Variants in LEPR observed in about 807,000 individuals in gnomAD.
The protein encoded by LEPR is leptin receptor.
A neutral mutation model predicts 114.7 loss-of-function variants in LEPR; 56 were observed. That is an observed-to-expected ratio of 0.49 (90% CI 0.39 to 0.61). LEPR has a LOEUF of 0.61. Ranked by LOEUF, LEPR falls within the 20% of genes least tolerant of loss-of-function variation. The pLI, the probability that LEPR is intolerant of heterozygous loss-of-function variation, is 0.00. For synonymous variants in LEPR, 443 were observed against 461.4 expected (o/e 0.96, Z 0.51); for missense variants, 1,202 against 1,352.9 (o/e 0.89, Z 1.75).
rs1014032421 is a variant in LEPR, at chr1:65,582,007, C to T, written c.494+9558C>T. Reference sequence around the variant, plus strand: ...GCCAGATTTCTACTAACAGCCTGTTCGAGGCAATTTAGGTTTTCTTCACCA... The same window carrying T: ...GCCAGATTTCTACTAACAGCCTGTTTGAGGCAATTTAGGTTTTCTTCACCA... On this transcript the variant is annotated intron_variant, in intron 5 of 19. Coordinates refer to ENST00000349533, the MANE Select transcript of LEPR (RefSeq NM_002303.6). 5.3e-5 allele frequency among the ~76,000 whole-genome samples: 8 copies of T among 152,280 alleles called. No homozygotes were observed. In the East Asian group the frequency reaches 5.8e-4, roughly 11 times the overall value.
intron 5 of LEPR, among the ~76,000 whole-genome samples, chr1:65,588,204 T>TA (rs1655447953): frequency 1.3e-5 from 2 of 152,034 alleles, no homozygotes; most frequent in African/African-American, 4.8e-5. Flanking sequence ...GGCAGATTTA[T>TA]AAAAAATCTA....
chr1:65,526,322 C>T, intron 2 of LEPR: 2 of 985,350 alleles, frequency 2.0e-6, no homozygotes, highest in Non-Finnish European at 1.2e-6. Context: ...AATTAAACAA[C>T]AACAGTAGCA....
chr1:65,616,279 C>G, intron 15 of LEPR, 55 bp downstream of exon 15: 5 of 1,546,362 alleles, frequency 3.2e-6, no homozygotes, highest in Non-Finnish European at 4.4e-6. Flanking sequence ...TTAACTTTTG[C>G]AAACTCTCCT....
intron 3 of LEPR, among the ~76,000 whole-genome samples, chr1:65,567,156 A>G (rs1176443905): frequency 6.6e-6 from 1 of 152,206 alleles, no homozygotes; most frequent in Non-Finnish European, 1.5e-5. Flanking sequence ...TTTAGGATTC[A>G]TTTGGAGGGA....
intron 2 of LEPR, among the ~76,000 whole-genome samples, chr1:65,488,347 A>G (rs1179998901): frequency 2.0e-5 from 2 of 98,426 alleles, no homozygotes; most frequent in South Asian, 3.3e-4. Flanking sequence ...TCTTTTTTTT[A>G]ACAGGATCTC....
intron 2 of LEPR, among the ~76,000 whole-genome samples, chr1:65,460,980 C>CTTT (rs529223465): frequency 7.2e-6 from 1 of 138,652 alleles, no homozygotes; most frequent in Non-Finnish European, 1.6e-5. Context: ...TCTTTCTTTT[C>CTTT]TTTTTTTTTT....
chr1:65,432,048 CT>C, intron 2 of LEPR: 1 of 1,377,636 alleles, frequency 7.3e-7, no homozygotes, highest in East Asian at 2.7e-5. Context: ...ATCATGTTCA[CT>C]TTAAGAAAGA....
intron 2 of LEPR, among the ~76,000 whole-genome samples, chr1:65,452,073 T>G (rs1172704454): frequency 6.6e-6 from 1 of 152,138 alleles, no homozygotes; most frequent in East Asian, 1.9e-4. Context: ...GATTTGGCTG[T>G]CTGTTTGTCT....
intron 2 of LEPR, among the ~76,000 whole-genome samples, chr1:65,475,795 C>T (rs1318506414): frequency 2.0e-5 from 3 of 152,012 alleles, no homozygotes; most frequent in African/African-American, 7.3e-5. Context: ...GCAGGAGGAT[C>T]ACTTGAGCCC....
chr1:65,549,692 G>A (rs1652121469), intron 2 of LEPR, among the ~76,000 whole-genome samples: 1 of 151,994 alleles, frequency 6.6e-6, no homozygotes, highest in Admixed American at 6.5e-5. Context: ...CTCTGTATTG[G>A]TTATTCTAGT....
chr1:65,556,205 T>C (rs1430270188), intron 2 of LEPR, among the ~76,000 whole-genome samples: 2 of 152,126 alleles, frequency 1.3e-5, no homozygotes, highest in African/African-American at 2.4e-5. Context: ...TCACCAGAGA[T>C]TGAATCTGCT....
intron 2 of LEPR, among the ~76,000 whole-genome samples, chr1:65,488,156 C>CT (rs1482122480): frequency 4.6e-4 from 37 of 79,948 alleles, no homozygotes; most frequent in African/African-American, 1.7e-3. Context: ...TCCTTCCTTC[C>CT]TTCCTTTCTT....
chr1:65,429,923 G>C, intron 2 of LEPR: 4 of 1,551,688 alleles, frequency 2.6e-6, no homozygotes, highest in Non-Finnish European at 3.5e-6. Flanking sequence ...CCATTTCATT[G>C]CCAAAAGAGT....
intron 2 of LEPR, among the ~76,000 whole-genome samples, chr1:65,564,259 G>T (rs1359727402): frequency 6.6e-6 from 1 of 150,692 alleles, no homozygotes; most frequent in South Asian, 2.2e-4. Flanking sequence ...CTCGTGGTGC[G>T]CCGTTTTTTA....
intron 19 of LEPR, chr1:65,635,047 A>C: frequency 1.2e-6 from 1 of 863,844 alleles, no homozygotes; most frequent in Non-Finnish European, 1.4e-6. Flanking sequence ...TATGCTTTTA[A>C]TCACTAACAT....
chr1:65,490,771 G>A (rs969236981), intron 2 of LEPR, among the ~76,000 whole-genome samples: 2 of 152,050 alleles, frequency 1.3e-5, no homozygotes, highest in African/African-American at 2.4e-5. Flanking sequence ...GTTAGCCAGC[G>A]GCTAGGCCTT....
intron 2 of LEPR, chr1:65,434,270 G>A (rs1646527818): frequency 1.0e-6 from 1 of 982,892 alleles, no homozygotes; most frequent in Admixed American, 6.2e-5. Context: ...TAATACAAAA[G>A]TTTGATCATG....
chr1:65,454,286 A>C (rs551332050), intron 2 of LEPR, among the ~76,000 whole-genome samples: 4 of 151,978 alleles, frequency 2.6e-5, no homozygotes, highest in Admixed American at 6.6e-5. Context: ...ATTTACATTT[A>C]AAGTTAATAT....
chr1:65,466,389 G>A (rs1647013142), intron 2 of LEPR, among the ~76,000 whole-genome samples: 1 of 152,200 alleles, frequency 6.6e-6, no homozygotes, highest in Non-Finnish European at 1.5e-5. Flanking sequence ...TCTGCCGAGA[G>A]ATCCGCTGTT....
Sources: allele counts gnomAD v4.1 joint callset (sites outside exome capture counted in the v4.1 genomes callset), GRCh38; gene constraint gnomAD v4.1.1; transcripts MANE v1.5; gene names NCBI Gene and HGNC (gene_info 2026-07-23, HGNC 2026-07-21).